Variants in CNTNAP5 observed in about 807,000 individuals in gnomAD.
CNTNAP5 encodes contactin associated protein family member 5.
A neutral mutation model predicts 150.2 loss-of-function variants in CNTNAP5; 72 were observed. That is an observed-to-expected ratio of 0.48 (90% CI 0.40 to 0.58). The LOEUF is 0.58. Ranked by LOEUF, CNTNAP5 falls within the 20% of genes least tolerant of loss-of-function variation. The pLI is 0.00. For synonymous variants in CNTNAP5, 672 were observed against 619.8 expected, an observed-to-expected ratio of 1.08 and a Z score of -1.25; for missense variants, 1,636 against 1,626.2, an observed-to-expected ratio of 1.01 and a Z score of -0.10.
chr2:124,786,430 G>GGAAC, intron 17 of CNTNAP5, among the ~76,000 whole-genome samples: 39 of 102,184 alleles, frequency 3.8e-4, no homozygotes, highest in African/African-American at 1.5e-3. Flanking sequence ...AAGGAAGGAA[G>GGAAC]GAAGGAAGGA....
chr2:124,174,523 G>A (rs1220884025), intron 1 of CNTNAP5, among the ~76,000 whole-genome samples: 1 of 152,218 alleles, frequency 6.6e-6, no homozygotes, highest in Non-Finnish European at 1.5e-5. Context: ...TATAGATGTG[G>A]TGGAAAGAGC....
intron 1 of CNTNAP5, among the ~76,000 whole-genome samples, chr2:124,122,759 G>GACACACACACACAC (rs66540981): frequency 1.4e-4 from 18 of 127,686 alleles, no homozygotes; most frequent in Admixed American, 5.5e-4. Context: ...GGTGGTAAAA[G>GACACACACACACAC]ACACACACAC....
intron 3 of CNTNAP5, among the ~76,000 whole-genome samples, chr2:124,360,959 A>G (rs1222161807): frequency 7.0e-6 from 1 of 142,282 alleles, no homozygotes; most frequent in Non-Finnish European, 1.5e-5. Flanking sequence ...TCAGATGTAG[A>G]TTTGGTCTTT....
At chr2:124,549,621 A>C (rs561129437) in intron 10 of CNTNAP5, among the ~76,000 whole-genome samples, 1 of 152,274 alleles carries the variant, frequency 6.6e-6, no homozygotes, top group South Asian at 2.1e-4. Context: ...GATTCACACA[A>C]ATAAGCTGCC....
At chr2:124,036,475 G>T (rs1681223307) in intron 1 of CNTNAP5, among the ~76,000 whole-genome samples, 1 of 152,022 alleles carries the variant, frequency 6.6e-6, no homozygotes, top group African/African-American at 2.4e-5. Context: ...GTACCTTTGA[G>T]TGAATGTGCT....
chr2:124,155,675 T>A (rs1327010870), intron 1 of CNTNAP5, among the ~76,000 whole-genome samples: 6 of 152,166 alleles, frequency 3.9e-5, no homozygotes. Flanking sequence ...TTCAGGGAAA[T>A]GTAGATATAT....
intron 1 of CNTNAP5, among the ~76,000 whole-genome samples, chr2:124,043,681 A>G (rs1039360431): frequency 6.6e-6 from 1 of 152,128 alleles, no homozygotes; most frequent in Non-Finnish European, 1.5e-5. Flanking sequence ...GTGGGCTACA[A>G]TGTGATGGTC....
At chr2:124,217,717 A>T (rs573504902) in intron 1 of CNTNAP5, among the ~76,000 whole-genome samples, 11 of 152,318 alleles carry the variant, frequency 7.2e-5, no homozygotes, top group African/African-American at 2.2e-4. Flanking sequence ...CAGAAATAAA[A>T]TCATTAAAAT....
At chr2:124,588,695 G>A (rs1472286785) in intron 11 of CNTNAP5, among the ~76,000 whole-genome samples, 2 of 152,146 alleles carry the variant, frequency 1.3e-5, no homozygotes, top group Non-Finnish European at 2.9e-5. Flanking sequence ...TGACGTCAAT[G>A]TAATAAGAAT....
chr2:124,749,121 C>T (rs761402888), intron 14 of CNTNAP5, among the ~76,000 whole-genome samples: 1 of 152,154 alleles, frequency 6.6e-6, no homozygotes, highest in Non-Finnish European at 1.5e-5. Context: ...CACCTATGAG[C>T]TTGGGAGGTG....
At chr2:124,798,397 A>G (rs1681894657) in intron 19 of CNTNAP5, 77 bp downstream of exon 19, 1 of 1,059,954 alleles carries the variant, frequency 9.4e-7, no homozygotes, top group South Asian at 1.3e-5. Flanking sequence ...AGAACTCTGC[A>G]TAATTTCAAC....
intron 13 of CNTNAP5, among the ~76,000 whole-genome samples, chr2:124,667,556 T>C (rs1272453631): frequency 6.6e-6 from 1 of 152,212 alleles, no homozygotes; most frequent in African/African-American, 2.4e-5. Context: ...CTTCCCTGCC[T>C]CAGGGCAATG....
chr2:124,695,142 G>A (rs534448578), intron 13 of CNTNAP5, among the ~76,000 whole-genome samples: 2 of 152,196 alleles, frequency 1.3e-5, no homozygotes, highest in Non-Finnish European at 2.9e-5. Flanking sequence ...GCCATGATTT[G>A]TATAATAACA....
chr2:124,400,934 T>C (rs1339624055), intron 3 of CNTNAP5, among the ~76,000 whole-genome samples: 2 of 152,040 alleles, frequency 1.3e-5, no homozygotes, highest in African/African-American at 2.4e-5. Context: ...CGCAGTTGCA[T>C]GATCTTGGCT....
intron 17 of CNTNAP5, among the ~76,000 whole-genome samples, chr2:124,783,896 A>G (rs959271638): frequency 6.6e-6 from 1 of 152,224 alleles, no homozygotes; most frequent in Admixed American, 6.5e-5. Flanking sequence ...CTTATCCTTA[A>G]GGAAATCACA....
At chr2:124,287,445 A>G (rs1015342784) in intron 3 of CNTNAP5, among the ~76,000 whole-genome samples, 2 of 152,168 alleles carry the variant, frequency 1.3e-5, no homozygotes, top group Non-Finnish European at 2.9e-5. Context: ...TAATCTCGGC[A>G]TTGTCCCCTC....
chr2:124,610,739 C>A (rs1217798956), intron 12 of CNTNAP5, among the ~76,000 whole-genome samples: 1 of 151,988 alleles, frequency 6.6e-6, no homozygotes, highest in Non-Finnish European at 1.5e-5. Flanking sequence ...GGCAGGCAGA[C>A]CACGAGGTCA....
chr2:124,544,507 G>A (rs1235149027), intron 10 of CNTNAP5, among the ~76,000 whole-genome samples: 1 of 152,142 alleles, frequency 6.6e-6, no homozygotes, highest in Admixed American at 6.6e-5. Flanking sequence ...AAGCTTACAG[G>A]AATGTAATAT....
At chr2:124,878,437 C>T (rs1677903124) in intron 21 of CNTNAP5, among the ~76,000 whole-genome samples, 1 of 152,026 alleles carries the variant, frequency 6.6e-6, no homozygotes, top group African/African-American at 2.4e-5. Flanking sequence ...AATAACAGCT[C>T]AGTAAGGTTT....
Sources: gnomAD v4.1 joint callset for allele counts (sites outside exome capture counted in the v4.1 genomes callset) on GRCh38, gnomAD v4.1.1 for gene constraint, MANE v1.5 for transcripts, NCBI Gene and HGNC (gene_info 2026-07-23, HGNC 2026-07-21) for gene names.